The following CC2D2A variants were observed in gnomAD, a reference collection of about 807,000 sequenced individuals.
CC2D2A encodes coiled-coil and C2 domain containing 2A.
In CC2D2A, 155 loss-of-function variants were observed where a neutral mutation model predicts 212.9. The observed-to-expected ratio is 0.73, with a 90% CI of 0.64 to 0.83. CC2D2A has a LOEUF of 0.83. Among genes scored for constraint, CC2D2A ranks in the 40% least tolerant of loss-of-function variants. The probability of loss-of-function intolerance (pLI) is 0.00; values close to 1 mark genes in which losing one functional copy is unlikely to be tolerated. For missense variants in CC2D2A, 1,856 were observed against 1,956.2 expected, an observed-to-expected ratio of 0.95 and a Z score of 0.97; for synonymous variants, 667 against 686.5, an observed-to-expected ratio of 0.97 and a Z score of 0.44.
intron 6 of CC2D2A, among the ~76,000 whole-genome samples, chr4:15,503,767 T>A (rs1716104431): frequency 1.3e-5 from 2 of 152,132 alleles, no homozygotes; most frequent in Non-Finnish European, 2.9e-5. Context: ...TGGTGAGGAA[T>A]CTCAATATGT....
chr4:15,510,047 G>T, intron 6 of CC2D2A, 92 bp from the exon 7 acceptor site: 1 of 912,442 alleles, frequency 1.1e-6, no homozygotes, highest in East Asian at 2.6e-5. Flanking sequence ...CAGAAGATAA[G>T]CCTTTGGGAT....
intron 26 of CC2D2A, among the ~76,000 whole-genome samples, chr4:15,568,574 C>A (rs1432361386): frequency 1.3e-5 from 2 of 152,170 alleles, no homozygotes; most frequent in African/African-American, 4.8e-5. Context: ...AGCGAGAGAG[C>A]GAGACTCTGT....
chr4:15,599,588 G>A lies in CC2D2A; in HGVS notation c.4556G>A (p.Trp1519Ter). 6.2e-7 allele frequency: 1 copy of A among 1,609,818 alleles called. No homozygotes were observed. ...MDWRPRHLTR[W>*]NRYCTSTLRH... is the part of the protein sequence containing the mutation. ...TGGAGGCCACGCCATCTGACTCGGTGGAATAGGTATTGTACCTCTACTCTG... is the reference window on the plus strand; with the variant it reads ...TGGAGGCCACGCCATCTGACTCGGTAGAATAGGTATTGTACCTCTACTCTG... The change falls in exon 36 of 37, where the codon TGG (tryptophan) becomes TAG (stop). Residue 1519 changes from tryptophan to a stop codon, truncating the protein, a stop_gained. Coordinates refer to ENST00000424120, the MANE Select transcript of CC2D2A (RefSeq NM_001378615.1). LOFTEE classifies it high-confidence loss of function.
intron 17 of CC2D2A, among the ~76,000 whole-genome samples, chr4:15,546,623 T>A (rs1258133920): frequency 6.6e-6 from 1 of 152,212 alleles, no homozygotes; most frequent in Non-Finnish European, 1.5e-5. Flanking sequence ...CCTACCTCAC[T>A]TTTGTGGTTG....
chr4:15,599,619 C>G lies in CC2D2A; in HGVS notation c.4587C>G (p.His1529Gln). The G allele has an allele frequency of 6.2e-7, 1 of 1,613,482 alleles. No individual in the cohort carries two copies. Residue 1529 changes from histidine (H) to glutamine (Q), a missense_variant, in exon 36 of 37, where the codon CAC becomes CAG. Physicochemically the swap from His to Gln is conservative, Grantham distance 24. Coordinates refer to ENST00000424120, the MANE Select transcript of CC2D2A (RefSeq NM_001378615.1). ...GGTATTGTACCTCTACTCTGCGTCA[C>G]TTCTTGCCTCTGTTAGAAAAAAGTC... ...WNRYCTSTLR[H>Q]FLPLLEKSQG... is the part of the protein sequence containing the mutation.
intron 36 of CC2D2A, 110 bp downstream of exon 36, chr4:15,599,816 C>A: frequency 1.3e-6 from 1 of 761,830 alleles, no homozygotes; most frequent in Non-Finnish European, 2.0e-6. Context: ...CCCAGAAGTA[C>A]ATATTTAAAG....
In CC2D2A at chr4:15,524,447, A is replaced by ATTTTTTTTTTTTTT. The variant is rs71179636; in HGVS notation, c.1150-2992_1150-2979dup. ...CACTCGGCCTTCTGTAAAATTTTTAATTTTTTTTTTTTTTTTTTTTTGAGA... is the reference window on the plus strand; with the variant it reads ...CACTCGGCCTTCTGTAAAATTTTTAATTTTTTTTTTTTTTTTTTTTTTTTTTTTTTTTTTTGAGA... On this transcript the variant is annotated intron_variant, in intron 11 of 36. Transcript: ENST00000424120. Among the ~76,000 whole-genome samples, 8 of 89,962 alleles carry ATTTTTTTTTTTTTT rather than the reference A, an allele frequency of 8.9e-5. No individual in the cohort carries two copies. The East Asian group carries it at 1.0e-3, about 12-fold the overall frequency. The allele number at this position is 89,962 out of a possible 152,430, so 59.0% of individuals were successfully genotyped here. A position where few individuals can be genotyped will look rare whatever the true frequency, so the allele number is the denominator to read the frequency against.
At chr4:15,533,671 A>G (rs970684069) in intron 14 of CC2D2A, among the ~76,000 whole-genome samples, 3 of 152,210 alleles carry the variant, frequency 2.0e-5, no homozygotes, top group Non-Finnish European at 4.4e-5. Context: ...GGGAATACAT[A>G]CATGCTTCTT....
chr4:15,485,939 C>G (rs1714974266), intron 4 of CC2D2A, among the ~76,000 whole-genome samples: 1 of 151,984 alleles, frequency 6.6e-6, no homozygotes, highest in African/African-American at 2.4e-5. Flanking sequence ...CTTTTTCCTT[C>G]ATTCTGTTGA....
chr4:15,600,922 G>T, intron 36 of CC2D2A, among the ~76,000 whole-genome samples: 1 of 120,130 alleles, frequency 8.3e-6, no homozygotes, highest in Non-Finnish European at 1.8e-5. Flanking sequence ...AAAAAAAAAA[G>T]AAAAAAGAAA....
At chr4:15,530,884 C>T (rs1717815648) in intron 13 of CC2D2A, among the ~76,000 whole-genome samples, 1 of 151,884 alleles carries the variant, frequency 6.6e-6, no homozygotes, top group Admixed American at 6.6e-5. Context: ...AAGCATTTTC[C>T]ATTTTATTTT....
At chr4:15,482,569 C>G (rs1714752556) in intron 4 of CC2D2A, among the ~76,000 whole-genome samples, 1 of 152,066 alleles carries the variant, frequency 6.6e-6, no homozygotes, top group Admixed American at 6.5e-5. Context: ...TATAAGGACA[C>G]TAATCCTAAT....
At chr4:15,566,314 G>A (rs1018416368) in intron 24 of CC2D2A, among the ~76,000 whole-genome samples, 2 of 152,136 alleles carry the variant, frequency 1.3e-5, no homozygotes, top group African/African-American at 4.8e-5. Context: ...CCTGACATGT[G>A]TAGCTTGGGG....
chr4:15,497,886 T>C (rs1428601389), intron 4 of CC2D2A, among the ~76,000 whole-genome samples: 1 of 152,240 alleles, frequency 6.6e-6, no homozygotes, highest in Non-Finnish European at 1.5e-5. Context: ...AAAACTGTTA[T>C]TAATGAAAAA....
At chr4:15,470,677 CTCTCTCTCTCTCTATATATA>C (rs1234058038) in intron 1 of CC2D2A, among the ~76,000 whole-genome samples, 9 of 77,270 alleles carry the variant, frequency 1.2e-4, no homozygotes, top group African/African-American at 2.8e-4. Context: ...CTCTCTCTCT[CTCTCTCTCTCTCTATATATA>C]TATATATATA....
In CC2D2A at chr4:15,553,200, C is replaced by G; in HGVS notation, c.2381C>G (p.Thr794Ser). 6.2e-7 allele frequency: 1 copy of G among 1,609,084 alleles called. No homozygotes were observed. The highest frequency in any genetic ancestry group is 8.5e-7 in the Non-Finnish European group (1 of 1,178,192). The change falls in exon 19 of 37, where the codon ACT (threonine) becomes AGT (serine). Residue 794 changes from threonine (T) to serine (S), a missense_variant. By Grantham distance (58) the Thr-to-Ser change is moderately conservative (BLOSUM62 1). Coordinates refer to ENST00000424120, the MANE Select transcript of CC2D2A (RefSeq NM_001378615.1). The part of the protein sequence containing the change: ...SFEADGSNQL[T>S]LMTSGKVSHS... ...GAAGCTGATGGCAGTAACCAGCTGA[C>G]TCTGATGACCTCAGGGAAAGTGTCT...
intron 17 of CC2D2A, among the ~76,000 whole-genome samples, chr4:15,548,712 T>C (rs1452695660): frequency 6.6e-6 from 1 of 152,176 alleles, no homozygotes; most frequent in Non-Finnish European, 1.5e-5. Flanking sequence ...TGATAACTAC[T>C]ACATGTTCTT....
At chr4:15,562,805 G>A (rs1336093572) in intron 23 of CC2D2A, among the ~76,000 whole-genome samples, 1 of 152,260 alleles carries the variant, frequency 6.6e-6, no homozygotes, top group Non-Finnish European at 1.5e-5. Context: ...TAACTCCAGA[G>A]TGAAAGAGAT....
chr4:15,518,721 C>T (rs1004663016), intron 11 of CC2D2A, among the ~76,000 whole-genome samples: 2 of 152,250 alleles, frequency 1.3e-5, no homozygotes, highest in Non-Finnish European at 2.9e-5. Flanking sequence ...TCAGGCTCAA[C>T]ACCATGTGGA....
Sources: allele counts gnomAD v4.1 joint callset (sites outside exome capture counted in the v4.1 genomes callset), GRCh38; gene constraint gnomAD v4.1.1; transcripts MANE v1.5; gene names NCBI Gene and HGNC (gene_info 2026-07-23, HGNC 2026-07-21).